The following RALY variants were observed in gnomAD, a reference collection of about 807,000 sequenced individuals.
RALY encodes RNA-binding protein Raly.
A neutral mutation model predicts 30.7 loss-of-function variants in RALY; 15 were observed. The observed-to-expected ratio is 0.49, with a 90% CI of 0.33 to 0.75. RALY has a LOEUF of 0.75. Among genes scored for constraint, RALY ranks in the 30% least tolerant of loss-of-function variants. The pLI is 0.02. For synonymous variants in RALY, 177 were observed against 170.8 expected (o/e 1.04, Z -0.28); for missense variants, 339 against 414.3 (o/e 0.82, Z 1.58).
chr20:34,027,956 T>C (rs770101393), intron 1 of RALY, among the ~76,000 whole-genome samples: 4 of 152,186 alleles, frequency 2.6e-5, no homozygotes, highest in Non-Finnish European at 5.9e-5. Flanking sequence ...AGGTCTCTTA[T>C]TGGGAGGTAG....
At position 34,076,795 on chromosome 20, in the gene RALY, C is replaced by A. The variant is rs148075348; in HGVS notation, c.638C>A (p.Ala213Glu). The A allele has an allele frequency of 7.6e-3, 12,216 of 1,614,018 alleles. 110 individuals are homozygous for A. Among genetic ancestry groups the A allele is most frequent in the South Asian group, 0.014 (1,261 of 91,074 alleles). Residue 213 changes from alanine (A) to glutamate (E), a missense_variant, in exon 7 of 10, where the codon GCG (alanine) becomes GAG (glutamate). By Grantham distance (107) the Ala-to-Glu change is moderately radical (BLOSUM62 -1). Around this residue, in one of 2 missense-constraint regions of RALY, gnomAD observed 268 missense variants for 280.6 expected, o/e 0.95. Transcript: ENST00000246194. ...CTGAGCCGCTTGGAGCAGATCGCTGCGGAGCAAAAGGCCAATCCAGGTCAG... is the reference window on the plus strand; with the variant it reads ...CTGAGCCGCTTGGAGCAGATCGCTGAGGAGCAAAAGGCCAATCCAGGTCAG... ...ALLSRLEQIAAEQKANPDGKK... is the reference protein window; with the variant it reads ...ALLSRLEQIAEEQKANPDGKK...
At chr20:34,029,464 GGAGGGAGGGAGGA>G (rs2032181918) in intron 1 of RALY, among the ~76,000 whole-genome samples, 1 of 132,368 alleles carries the variant, frequency 7.6e-6, no homozygotes, top group Non-Finnish European at 1.6e-5. Context: ...AAGAAAGGAG[GGAGGGAGGGAGGA>G]AAGGGAGGGA....
intron 2 of RALY, among the ~76,000 whole-genome samples, chr20:34,036,899 C>A (rs1420677540): frequency 6.6e-6 from 1 of 151,712 alleles, no homozygotes; most frequent in East Asian, 1.9e-4. Flanking sequence ...CTTTTGGTTT[C>A]ATTGTTTTTC....
chr20:34,052,294 ACT>A (rs2033104103), intron 2 of RALY, among the ~76,000 whole-genome samples: 1 of 152,066 alleles, frequency 6.6e-6, no homozygotes, highest in African/African-American at 2.4e-5. Context: ...TTTTTGAGGA[ACT>A]CTCATTAACA....
intron 1 of RALY, among the ~76,000 whole-genome samples, chr20:34,015,641 C>T (rs891401084): frequency 1.3e-5 from 2 of 151,162 alleles, no homozygotes; most frequent in South Asian, 4.2e-4. Context: ...TTTTATTTTT[C>T]GTAGTTGTCA....
Position 34,069,374 on chromosome 20 carries a change from C to T in RALY, c.-9-2692C>T, listed in dbSNP as rs191987399. ...CACCAGTCAAGGTGAGTCCTGATCT[C>T]GTCACAATACCACGAACAGCTGTTC... On this transcript the variant is annotated intron_variant, in intron 2 of 9. Coordinates refer to ENST00000246194, the MANE Select transcript of RALY (RefSeq NM_016732.3). Among the ~76,000 whole-genome samples, 158 of 152,292 alleles carry T rather than the reference C, an allele frequency of 1.0e-3. 1 individual carries two copies. The highest frequency in any genetic ancestry group is 3.5e-3 in the African/African-American group (145 of 41,554).
At chr20:34,041,782 AC>A (rs2032710514) in intron 2 of RALY, among the ~76,000 whole-genome samples, 2 of 152,010 alleles carry the variant, frequency 1.3e-5, no homozygotes, top group Non-Finnish European at 2.9e-5. Flanking sequence ...TTACATAGTA[AC>A]CCTTTTTTTA....
chr20:34,035,969 G>A (rs376941641), intron 2 of RALY, among the ~76,000 whole-genome samples: 1 of 152,116 alleles, frequency 6.6e-6, no homozygotes, highest in East Asian at 1.9e-4. Context: ...TGATTCTAAG[G>A]AACGAAAGGA....
intron 1 of RALY, among the ~76,000 whole-genome samples, chr20:34,015,641 C>G (rs891401084): frequency 6.6e-6 from 1 of 151,162 alleles, no homozygotes; most frequent in Non-Finnish European, 1.5e-5. Context: ...TTTTATTTTT[C>G]GTAGTTGTCA....
At chr20:34,048,157 G>A (rs186265686) in intron 2 of RALY, among the ~76,000 whole-genome samples, 1 of 152,130 alleles carries the variant, frequency 6.6e-6, no homozygotes, top group Non-Finnish European at 1.5e-5. Flanking sequence ...AATTCTAATT[G>A]ACACAGGAAG....
intron 1 of RALY, among the ~76,000 whole-genome samples, chr20:34,026,544 A>C (rs2032046048): frequency 6.7e-6 from 1 of 149,660 alleles, no homozygotes; most frequent in Non-Finnish European, 1.5e-5. Context: ...CTGGGACTAC[A>C]GGCGCCCGCC....
intron 1 of RALY, among the ~76,000 whole-genome samples, chr20:33,995,864 C>T (rs762013702): frequency 1.9e-4 from 29 of 152,156 alleles, no homozygotes; most frequent in Admixed American, 7.2e-4. Context: ...TTTATTTCTC[C>T]CATACCTTGC....
chr20:34,072,328 T>A lies in RALY; in HGVS notation c.254T>A (p.Leu85Gln). The change falls in exon 3 of 10, where the codon CTG becomes CAG. Residue 85 changes from leucine to glutamine, a missense_variant and splice_region_variant. This residue lies in a region of RALY where 71 missense variants were observed against 133.7 expected (regional missense o/e 0.53). Transcript: ENST00000246194. ...GGGCGGGTGCTGGCCGGGCAGACCC[T>A]GGGTAAGCCTCTCTTCACTATATTC... ...ENGRVLAGQTLDINMAGEPKP... is the reference protein window; with the variant it reads ...ENGRVLAGQTQDINMAGEPKP... 1 of 1,610,966 alleles carries A rather than the reference T, an allele frequency of 6.2e-7. No homozygotes were observed. The highest frequency in any genetic ancestry group is 8.5e-7 in the Non-Finnish European group (1 of 1,179,650).
At chr20:34,073,191 G>A (rs1175319662) in intron 3 of RALY, among the ~76,000 whole-genome samples, 1 of 152,082 alleles carries the variant, frequency 6.6e-6, no homozygotes, top group African/African-American at 2.4e-5. Flanking sequence ...GTGAATGTAT[G>A]TGTGAGTGTG....
At position 34,072,183 on chromosome 20, in the gene RALY, G is replaced by T. The variant is rs2033745670; in HGVS notation, c.109G>T (p.Asp37Tyr). ...CAACACAGCTCTGGTGAAGAAATCAGATGTGGAGACCATCTTCTCTAAGTA... is the reference window on the plus strand; with the variant it reads ...CAACACAGCTCTGGTGAAGAAATCATATGTGGAGACCATCTTCTCTAAGTA... ...NLNTALVKKS[D>Y]VETIFSKYGR... The change falls in exon 3 of 10, where the codon GAT becomes TAT. Residue 37 changes from aspartate to tyrosine, a missense_variant. By Grantham distance (160) the Asp-to-Tyr change is radical. Coordinates refer to ENST00000246194, the MANE Select transcript of RALY (RefSeq NM_016732.3). 6.2e-7 allele frequency: 1 copy of T among 1,614,124 alleles called. No individual in the cohort carries two copies. The highest frequency in any genetic ancestry group is 8.5e-7 in the Non-Finnish European group (1 of 1,180,050).
At chr20:34,073,915 G>A (rs1221188945) in intron 5 of RALY, 49 bp downstream of exon 5, 4 of 1,583,576 alleles carry the variant, frequency 2.5e-6, no homozygotes, top group Admixed American at 3.3e-5. Context: ...AAGCTGGAAG[G>A]GTCTTGAGAG....
At chr20:34,047,038 C>T (rs1225427659) in intron 2 of RALY, among the ~76,000 whole-genome samples, 2 of 152,050 alleles carry the variant, frequency 1.3e-5, no homozygotes, top group African/African-American at 4.8e-5. Context: ...AGGCTGGTTT[C>T]GAACTACTGA....
intron 1 of RALY, among the ~76,000 whole-genome samples, chr20:34,027,943 C>T (rs1251331798): frequency 6.6e-6 from 1 of 152,154 alleles, no homozygotes; most frequent in African/African-American, 2.4e-5. Context: ...CAGATTAGAA[C>T]TCAGGTCTCT....
chr20:34,075,259 T>C (rs8123712), intron 5 of RALY, among the ~76,000 whole-genome samples: 7 of 152,196 alleles, frequency 4.6e-5, no homozygotes, highest in African/African-American at 1.4e-4. Context: ...TTCAGTCTTA[T>C]GCCTCTGAGG....
Sources: gnomAD v4.1 joint callset for allele counts (sites outside exome capture counted in the v4.1 genomes callset) on GRCh38, gnomAD v4.1.1 for gene constraint, gnomAD v4.1.1 regional missense constraint, MANE v1.5 for transcripts, NCBI Gene and HGNC (gene_info 2026-07-23, HGNC 2026-07-21) for gene names.